The following CCDC178 variants were observed in gnomAD, a reference collection of about 807,000 sequenced individuals.
The protein encoded by CCDC178 is coiled-coil domain containing 178, also known as coiled-coil domain-containing protein 178.
Under a neutral mutation model 117.4 loss-of-function variants are expected in CCDC178, and 126 were observed. The ratio of observed to expected loss-of-function variants is 1.07; its 90% CI spans 0.93 to 1.24. CCDC178 has a LOEUF of 1.24. Among genes scored for constraint, CCDC178 ranks in the 50% most tolerant of loss-of-function variants. The probability of loss-of-function intolerance (pLI) is 0.00; values close to 1 mark genes in which losing one functional copy is unlikely to be tolerated. For synonymous variants in CCDC178, 283 were observed against 313.4 expected, an observed-to-expected ratio of 0.90 and a Z score of 1.02; for missense variants, 1,030 against 986.9, an observed-to-expected ratio of 1.04 and a Z score of -0.59.
chr18:33,027,420 C>T (rs2056250652), intron 21 of CCDC178, among the ~76,000 whole-genome samples: 1 of 151,440 alleles, frequency 6.6e-6, no homozygotes, highest in South Asian at 2.1e-4. Flanking sequence ...ACAGTTAGAA[C>T]TAGAAACAGT....
chr18:33,226,671 A>T (rs2059306096), intron 16 of CCDC178, 122 bp downstream of exon 16: 1 of 573,708 alleles, frequency 1.7e-6, no homozygotes, highest in Non-Finnish European at 3.0e-6. Context: ...TCAGCTAAGG[A>T]GAGAAAACTG....
chr18:33,310,091 A>G, intron 11 of CCDC178, among the ~76,000 whole-genome samples: 1 of 152,030 alleles, frequency 6.6e-6, no homozygotes, highest in Non-Finnish European at 1.5e-5. Context: ...CCTTCTGAGT[A>G]GCTGGGAGTA....
intron 14 of CCDC178, among the ~76,000 whole-genome samples, chr18:33,260,807 T>C (rs1285400673): frequency 6.6e-6 from 1 of 152,086 alleles, no homozygotes; most frequent in Non-Finnish European, 1.5e-5. Flanking sequence ...TTCATAAGGC[T>C]ATTAGGCCAT....
At chr18:32,979,230 C>G (rs1460651864) in intron 21 of CCDC178, among the ~76,000 whole-genome samples, 1 of 151,698 alleles carries the variant, frequency 6.6e-6, no homozygotes, top group South Asian at 2.1e-4. Context: ...GATCTCAGTT[C>G]GCTGCAACAT....
intron 22 of CCDC178, among the ~76,000 whole-genome samples, chr18:32,965,204 ACTT>A (rs2054786721): frequency 6.6e-6 from 1 of 152,012 alleles, no homozygotes; most frequent in Admixed American, 6.6e-5. Context: ...CACAAATCCT[ACTT>A]CGTTTCCAAA....
At chr18:33,111,985 C>T (rs892920465) in intron 20 of CCDC178, among the ~76,000 whole-genome samples, 16 of 151,440 alleles carry the variant, frequency 1.1e-4, no homozygotes, top group Non-Finnish European at 1.9e-4. Flanking sequence ...ATTAATTTTT[C>T]CCAAAGCTAT....
intron 21 of CCDC178, among the ~76,000 whole-genome samples, chr18:33,015,099 T>C (rs2055953318): frequency 1.3e-5 from 2 of 150,536 alleles, no homozygotes; most frequent in African/African-American, 4.9e-5. Context: ...CTACCAAAAA[T>C]ACAAAAATTA....
At chr18:33,343,906 T>C (rs1192147257) in intron 9 of CCDC178, among the ~76,000 whole-genome samples, 1 of 152,116 alleles carries the variant, frequency 6.6e-6, no homozygotes, top group East Asian at 1.9e-4. Flanking sequence ...TGTAAACAAA[T>C]TCATAAAATT....
intron 22 of CCDC178, among the ~76,000 whole-genome samples, chr18:32,966,880 T>G (rs2054824764): frequency 1.3e-5 from 2 of 151,810 alleles, no homozygotes; most frequent in Admixed American, 6.6e-5. Context: ...CCAAAAAGAT[T>G]GAGCTAAATT....
intron 21 of CCDC178, among the ~76,000 whole-genome samples, chr18:33,088,168 C>T (rs931933489): frequency 5.3e-5 from 8 of 151,366 alleles, no homozygotes; most frequent in Non-Finnish European, 1.2e-4. Flanking sequence ...TAAGGTGGCA[C>T]ATTTCTATGT....
intron 20 of CCDC178, among the ~76,000 whole-genome samples, chr18:33,166,640 C>T (rs2058533285): frequency 6.6e-6 from 1 of 152,186 alleles, no homozygotes; most frequent in South Asian, 2.1e-4. Context: ...TTCATTTTCA[C>T]CTCTCTGTCC....
At chr18:33,141,660 G>C (rs2058206645) in intron 20 of CCDC178, among the ~76,000 whole-genome samples, 1 of 152,184 alleles carries the variant, frequency 6.6e-6, no homozygotes, top group Admixed American at 6.5e-5. Flanking sequence ...AAAGAGGAAA[G>C]TTCCTCTGGG....
intron 21 of CCDC178, among the ~76,000 whole-genome samples, chr18:33,027,155 A>G (rs1027535105): frequency 2.6e-5 from 4 of 151,802 alleles, no homozygotes; most frequent in Admixed American, 2.6e-4. Flanking sequence ...TGGTAAACAT[A>G]ATAATTTGAT....
rs1189550388 is a variant in CCDC178 at position 33,328,082 on chromosome 18, GATTTTTTTTTTTTTTTTTTTTTT to G, written c.880-4472_880-4450del. ...CCAAGGTCATAAAGATTTATCCCTA[GATTTTTTTTTTTTTTTTTTTTTT>G]TTTTTTTTTTTTTTTGAGACAGAGT... On this transcript the variant is annotated intron_variant, in intron 10 of 22. Coordinates refer to ENST00000383096, the MANE Select transcript of CCDC178 (RefSeq NM_001105528.4). The G allele has an allele frequency of 1.6e-3, 398 of 248,910 alleles. 6 individuals are homozygous for G. Among genetic ancestry groups the G allele is most frequent in the South Asian group, 2.9e-3 (99 of 34,406 alleles). The allele number at this position is 248,910 out of a possible 1,614,324, so 15.4% of individuals were successfully genotyped here. A position where few individuals can be genotyped will look rare whatever the true frequency, so the allele number is the denominator to read the frequency against.
intron 2 of CCDC178, among the ~76,000 whole-genome samples, chr18:33,431,993 G>T (rs1298354830): frequency 6.6e-6 from 1 of 152,174 alleles, no homozygotes; most frequent in Non-Finnish European, 1.5e-5. Context: ...AGCAAAGGAG[G>T]TGACCAGATT....
At chr18:32,950,866 A>G (rs951859869) in intron 22 of CCDC178, among the ~76,000 whole-genome samples, 1 of 152,234 alleles carries the variant, frequency 6.6e-6, no homozygotes, top group Non-Finnish European at 1.5e-5. Context: ...TTAGACTTCT[A>G]TAGCTAATAC....
chr18:33,432,020 T>C (rs1230863891), intron 2 of CCDC178, among the ~76,000 whole-genome samples: 2 of 152,120 alleles, frequency 1.3e-5, no homozygotes, highest in South Asian at 2.1e-4. Flanking sequence ...ACATGACTGC[T>C]GGGTGCACTG....
At chr18:33,242,862 G>A (rs1319854906) in intron 15 of CCDC178, among the ~76,000 whole-genome samples, 1 of 151,738 alleles carries the variant, frequency 6.6e-6, no homozygotes, top group East Asian at 1.9e-4. Context: ...TCAAAAAACT[G>A]CAAATAGGAG....
At chr18:33,056,554 A>G (rs2056832834) in intron 21 of CCDC178, among the ~76,000 whole-genome samples, 1 of 152,200 alleles carries the variant, frequency 6.6e-6, no homozygotes. Context: ...AAATGGAAAG[A>G]ATCAGAACAG....
Sources: allele counts gnomAD v4.1 joint callset (sites outside exome capture counted in the v4.1 genomes callset), GRCh38; gene constraint gnomAD v4.1.1; transcripts MANE v1.5; gene names NCBI Gene and HGNC (gene_info 2026-07-23, HGNC 2026-07-21).